CALN1: variants seen among roughly 807,000 people sequenced by gnomAD.
The protein encoded by CALN1 is calneuron 1, also known as calcium-binding protein 8.
CALN1 carries 17 observed loss-of-function variants against 30.6 expected under a neutral mutation model. The observed-to-expected ratio is 0.56, with a 90% confidence interval of 0.38 to 0.83. The LOEUF is 0.83. Ranked by LOEUF, CALN1 falls within the 40% of genes least tolerant of loss-of-function variation. The probability of loss-of-function intolerance (pLI) is 0.00; values close to 1 mark genes in which losing one functional copy is unlikely to be tolerated. For synonymous variants in CALN1, 156 were observed against 131.4 expected (o/e 1.19, Z -1.28); for missense variants, 291 against 354.9 (o/e 0.82, Z 1.45).
intron 5 of CALN1, among the ~76,000 whole-genome samples, chr7:72,010,909 C>CT (rs1421789751): frequency 6.6e-6 from 1 of 151,646 alleles, no homozygotes; most frequent in African/African-American, 2.4e-5. Flanking sequence ...AATCCCAGCA[C>CT]TTTGGGAGGC....
At chr7:72,307,777 A>T (rs1799750534) in intron 2 of CALN1, among the ~76,000 whole-genome samples, 1 of 152,170 alleles carries the variant, frequency 6.6e-6, no homozygotes, top group Non-Finnish European at 1.5e-5. Context: ...TGTCACCAGC[A>T]GGACACAAGA....
chr7:72,096,221 G>A (rs1395157694), intron 4 of CALN1, among the ~76,000 whole-genome samples: 2 of 152,156 alleles, frequency 1.3e-5, no homozygotes, highest in South Asian at 2.1e-4. Context: ...ATGGAGGAGA[G>A]AGGACACCAG....
chr7:72,473,907 C>T, the CALN1 span, among the ~76,000 whole-genome samples: 1 of 139,764 alleles, frequency 7.2e-6, no homozygotes, highest in Non-Finnish European at 1.5e-5. Context: ...CCAGCCTGGG[C>T]AACAAAGCGA....
At chr7:72,058,441 C>G (rs1803423328) in intron 4 of CALN1, among the ~76,000 whole-genome samples, 1 of 151,424 alleles carries the variant, frequency 6.6e-6, no homozygotes, top group African/African-American at 2.4e-5. Flanking sequence ...CCTCAGCCTC[C>G]CAAGTAGCTG....
intron 4 of CALN1, among the ~76,000 whole-genome samples, chr7:72,048,005 A>T (rs772127664): frequency 1.3e-5 from 2 of 151,030 alleles, no homozygotes; most frequent in Non-Finnish European, 1.5e-5. Context: ...CAGATTTCAG[A>T]GGCTTCATTC....
intron 5 of CALN1, among the ~76,000 whole-genome samples, chr7:71,957,109 T>C (rs1797001241): frequency 6.6e-6 from 1 of 152,082 alleles, no homozygotes; most frequent in Non-Finnish European, 1.5e-5. Context: ...GCTCTGAAAT[T>C]AATCATCTTG....
chr7:71,946,569 C>T (rs1796416741), intron 5 of CALN1, among the ~76,000 whole-genome samples: 1 of 152,010 alleles, frequency 6.6e-6, no homozygotes, highest in African/African-American at 2.4e-5. Context: ...GCTGTATTGC[C>T]TAGGCCGGTC....
intron 3 of CALN1, among the ~76,000 whole-genome samples, chr7:72,134,796 A>C (rs1179326116): frequency 1.3e-5 from 2 of 152,224 alleles, no homozygotes; most frequent in Non-Finnish European, 2.9e-5. Context: ...CATTTCATAA[A>C]AAAATTAATC....
At chr7:72,425,453 G>A (rs1379896996) in intron 1 of CALN1, among the ~76,000 whole-genome samples, 1 of 152,298 alleles carries the variant, frequency 6.6e-6, no homozygotes, top group Non-Finnish European at 1.5e-5. Context: ...ATCCCCATGT[G>A]CCCATGGCTG....
intron 5 of CALN1, among the ~76,000 whole-genome samples, chr7:71,916,312 A>C (rs1794686202): frequency 6.6e-6 from 1 of 151,996 alleles, no homozygotes; most frequent in South Asian, 2.1e-4. Flanking sequence ...CTCCTTCCTC[A>C]GAGAAGATGG....
intron 5 of CALN1, among the ~76,000 whole-genome samples, chr7:71,900,154 C>T (rs1793770175): frequency 6.6e-6 from 1 of 152,098 alleles, no homozygotes; most frequent in African/African-American, 2.4e-5. Flanking sequence ...TTTTTAACAT[C>T]CTGAATATTA....
intron 5 of CALN1, among the ~76,000 whole-genome samples, chr7:71,857,008 GTA>G: frequency 7.8e-6 from 1 of 127,668 alleles, no homozygotes; most frequent in Non-Finnish European, 1.6e-5. Context: ...CTCATGGTGT[GTA>G]TATGTATGTG....
At chr7:72,395,376 C>T (rs191085130) in intron 2 of CALN1, among the ~76,000 whole-genome samples, 1 of 151,890 alleles carries the variant, frequency 6.6e-6, no homozygotes, top group Non-Finnish European at 1.5e-5. Flanking sequence ...CACACACACA[C>T]ATATCCAGGG....
At chr7:72,100,174 T>A (rs1025829636) in intron 4 of CALN1, among the ~76,000 whole-genome samples, 2 of 142,262 alleles carry the variant, frequency 1.4e-5, no homozygotes, top group Non-Finnish European at 3.1e-5. Context: ...GTTTTTTTTT[T>A]AGAGATAAGG....
chr7:71,846,796 A>T (rs1172247340), intron 5 of CALN1, among the ~76,000 whole-genome samples: 1 of 145,560 alleles, frequency 6.9e-6, no homozygotes, highest in East Asian at 2.0e-4. Context: ...GTGTATATAC[A>T]TATATATGAG....
intron 3 of CALN1, among the ~76,000 whole-genome samples, chr7:72,228,099 CTTCT>C (rs904970173): frequency 8.6e-5 from 13 of 152,016 alleles, no homozygotes; most frequent in East Asian, 1.9e-4. Context: ...CAATGTAGCT[CTTCT>C]TTCTTTGTCG....
At chr7:72,150,073 C>T (rs1787106847) in intron 3 of CALN1, among the ~76,000 whole-genome samples, 1 of 149,444 alleles carries the variant, frequency 6.7e-6, no homozygotes, top group Non-Finnish European at 1.5e-5. Flanking sequence ...TGCAATGAGC[C>T]GAGATCGTGC....
chr7:72,290,703 G>C (rs1355059142), intron 2 of CALN1, among the ~76,000 whole-genome samples: 1 of 152,072 alleles, frequency 6.6e-6, no homozygotes, highest in Non-Finnish European at 1.5e-5. Context: ...TTACCTCTCT[G>C]TGTATCTTAG....
chr7:72,037,029 G>A (rs1411007994), intron 4 of CALN1, among the ~76,000 whole-genome samples: 3 of 152,174 alleles, frequency 2.0e-5, no homozygotes, highest in African/African-American at 4.8e-5. Flanking sequence ...GCCCAGGCTG[G>A]AGTGCAGTGG....
Sources: allele counts gnomAD v4.1 joint callset (sites outside exome capture counted in the v4.1 genomes callset), GRCh38; gene constraint gnomAD v4.1.1; transcripts MANE v1.5; gene names NCBI Gene and HGNC (gene_info 2026-07-23, HGNC 2026-07-21).